PPP2R5C: variants seen among roughly 807,000 people sequenced by gnomAD.
PPP2R5C encodes protein phosphatase 2 regulatory subunit B'gamma.
A neutral mutation model predicts 68.9 loss-of-function variants in PPP2R5C; 7 were observed. That is an observed-to-expected ratio of 0.10 (90% CI 0.06 to 0.19). PPP2R5C has a LOEUF of 0.19. Among genes scored for constraint, PPP2R5C ranks in the 10% least tolerant of loss-of-function variants. The pLI is 1.00. For missense variants in PPP2R5C, 348 were observed against 641.3 expected, an observed-to-expected ratio of 0.54 and a Z score of 4.94; for synonymous variants, 210 against 222.2, an observed-to-expected ratio of 0.95 and a Z score of 0.49.
intron 2 of PPP2R5C, among the ~76,000 whole-genome samples, chr14:101,777,660 A>T (rs2037492359): frequency 6.6e-6 from 1 of 152,032 alleles, no homozygotes; most frequent in Admixed American, 6.5e-5. Flanking sequence ...TTGGATGGTA[A>T]TTTTATGTTT....
chr14:101,884,058 C>A (rs757127417), intron 5 of PPP2R5C, among the ~76,000 whole-genome samples: 1 of 152,224 alleles, frequency 6.6e-6, no homozygotes, highest in Non-Finnish European at 1.5e-5. Context: ...ACGGACAGTG[C>A]AGCCTTCAGT....
chr14:101,881,741 C>T (rs760826785), intron 2 of PPP2R5C, among the ~76,000 whole-genome samples: 6 of 152,238 alleles, frequency 3.9e-5, no homozygotes, highest in Non-Finnish European at 8.8e-5. Flanking sequence ...GCAGCCCTTG[C>T]CATTTCCAGC....
chr14:101,793,147 A>C (rs772968830), intron 3 of PPP2R5C, among the ~76,000 whole-genome samples: 6 of 151,996 alleles, frequency 3.9e-5, no homozygotes, highest in Non-Finnish European at 8.8e-5. Context: ...CAAAGTGCTG[A>C]GATTACAGGC....
intron 8 of PPP2R5C, among the ~76,000 whole-genome samples, chr14:101,900,350 C>CT (rs1401770678): frequency 2.0e-5 from 3 of 152,216 alleles, no homozygotes; most frequent in African/African-American, 7.2e-5. Context: ...GGCTGGCCTG[C>CT]TAAGCCATGA....
intron 8 of PPP2R5C, among the ~76,000 whole-genome samples, chr14:101,897,550 G>A (rs2045416796): frequency 6.6e-6 from 1 of 152,110 alleles, no homozygotes. Flanking sequence ...GTCCGGCACG[G>A]GAGAAAGATG....
At chr14:101,827,219 G>T (rs939546398) in intron 1 of PPP2R5C, among the ~76,000 whole-genome samples, 1 of 151,970 alleles carries the variant, frequency 6.6e-6, no homozygotes, top group African/African-American at 2.4e-5. Context: ...GAAGTGATCT[G>T]CCCGCCTTGA....
chr14:101,785,438 T>C (rs534846596), intron 2 of PPP2R5C, among the ~76,000 whole-genome samples: 8 of 152,132 alleles, frequency 5.3e-5, no homozygotes, highest in South Asian at 4.1e-4. Context: ...TTTCCCACCT[T>C]CTAGAGGCCA....
At chr14:101,925,386 G>C (rs1203833706) in exon 14 of PPP2R5C, 2 of 1,455,342 alleles carry the variant, frequency 1.4e-6, no homozygotes, top group East Asian at 2.5e-5. Context: ...CTTGGACCCC[G>C]TTCCGTAGGC....
chr14:101,782,164 T>C (rs1384540156), intron 2 of PPP2R5C, among the ~76,000 whole-genome samples: 2 of 34,344 alleles, frequency 5.8e-5, no homozygotes, highest in Admixed American at 2.9e-4. Context: ...CCCTCTCTCT[T>C]TTTCCCCCTC....
intron 1 of PPP2R5C, among the ~76,000 whole-genome samples, chr14:101,821,812 C>T (rs1483281841): frequency 2.6e-5 from 4 of 151,954 alleles, no homozygotes; most frequent in East Asian, 3.9e-4. Flanking sequence ...ACTCGGCCCC[C>T]GCAGCCTGTG....
rs1441806134 is a variant in PPP2R5C, at chr14:101,879,730, C to T, written c.295-2431C>T. Reference sequence around the variant, plus strand: ...TCCTGTGGGTGACTGGACCCTCACCCCAGTCTCTTGGCTTTGAGAGAGAGG... The same window carrying T: ...TCCTGTGGGTGACTGGACCCTCACCTCAGTCTCTTGGCTTTGAGAGAGAGG... On this transcript the variant is annotated intron_variant, in intron 2 of 13. Transcript: ENST00000334743. This position sits in a 1 kb window ranked among gnomAD's most constrained non-coding sequence, Gnocchi z 4.2. Among the ~76,000 whole-genome samples the T allele has an allele frequency of 6.6e-6, 1 of 152,184 alleles. No homozygotes were observed. The highest frequency in any genetic ancestry group is 1.5e-5 in the Non-Finnish European group (1 of 68,036).
At chr14:101,919,683 C>A (rs992187501) in intron 13 of PPP2R5C, among the ~76,000 whole-genome samples, 1 of 152,062 alleles carries the variant, frequency 6.6e-6, no homozygotes, top group African/African-American at 2.4e-5. Flanking sequence ...AAAGCCAATT[C>A]TTGGCCGGGT....
intron 1 of PPP2R5C, chr14:101,833,370 G>A (rs1426186980): frequency 6.6e-6 from 1 of 152,188 alleles, no homozygotes; most frequent in Non-Finnish European, 1.5e-5. Context: ...AGCTCTGATT[G>A]GTCAAATGTT....
Position 101,794,422 on chromosome 14 carries a change from A to G in PPP2R5C, c.259+8239A>G, listed in dbSNP as rs116203526. ...CTTTATTTATTTATTTATTTTAGAG[A>G]CAGTTCCATGCGATGTTGCCCAAGC... On this transcript the variant is annotated intron_variant, in intron 3 of 14. Transcript: ENST00000328724. Among the ~76,000 whole-genome samples, 735 of 152,280 alleles carry G rather than the reference A, an allele frequency of 4.8e-3. 6 individuals carry two copies. The highest frequency in any genetic ancestry group is 0.017 in the African/African-American group (696 of 41,538).
intron 2 of PPP2R5C, among the ~76,000 whole-genome samples, chr14:101,764,277 G>A (rs999964374): frequency 8.5e-5 from 13 of 152,242 alleles, no homozygotes; most frequent in African/African-American, 3.1e-4. Flanking sequence ...CGTGGACCCA[G>A]GCAGAGCCAG....
chr14:101,904,320 T>A (rs1480184896), intron 9 of PPP2R5C, among the ~76,000 whole-genome samples: 2 of 152,078 alleles, frequency 1.3e-5, no homozygotes, highest in African/African-American at 2.4e-5. Context: ...TGGCTGATTT[T>A]TGTATTTTTA....
chr14:101,849,674 T>TCAACCAGTCTTTTAACG (rs1265987990), intron 1 of PPP2R5C, among the ~76,000 whole-genome samples: 1 of 151,306 alleles, frequency 6.6e-6, no homozygotes, highest in Non-Finnish European at 1.5e-5. Context: ...TCAGTGTAGA[T>TCAACCAGTCTTTTAACG]ATATGTATAT....
At chr14:101,819,386 G>T in intron 1 of PPP2R5C, 1 of 304,060 alleles carries the variant, frequency 3.3e-6, no homozygotes, top group South Asian at 5.6e-5. Context: ...TCACTGTGTG[G>T]ACGTTTGCCC....
At chr14:101,761,481 G>C (rs939745227), upstream of PPP2R5C, among the ~76,000 whole-genome samples, 4 of 137,052 alleles carry the variant, frequency 2.9e-5, no homozygotes, top group East Asian at 2.0e-4. Context: ...GGGCGTGAAC[G>C]GGTCGCGCGG....
Sources: gnomAD v4.1 joint callset for allele counts (sites outside exome capture counted in the v4.1 genomes callset) on GRCh38, gnomAD v4.1.1 for gene constraint, Gnocchi (gnomAD v3.1) non-coding constraint, MANE v1.5 for transcripts, NCBI Gene and HGNC (gene_info 2026-07-23, HGNC 2026-07-21) for gene names.